PDE8B: variants seen among roughly 807,000 people sequenced by gnomAD.
PDE8B encodes high affinity cAMP-specific and IBMX-insensitive 3',5'-cyclic phosphodiesterase 8B.
PDE8B carries 26 observed loss-of-function variants against 101.3 expected under a neutral mutation model. The ratio of observed to expected loss-of-function variants is 0.26; its 90% confidence interval spans 0.19 to 0.36. The LOEUF is 0.36. Ranked by LOEUF, PDE8B falls within the 10% of genes least tolerant of loss-of-function variation. The pLI is 1.00. For synonymous variants in PDE8B, 424 were observed against 429.3 expected, an observed-to-expected ratio of 0.99 and a Z score of 0.15; for missense variants, 810 against 1,163.1, an observed-to-expected ratio of 0.70 and a Z score of 4.42.
the PDE8B span, among the ~76,000 whole-genome samples, chr5:77,093,565 A>G: frequency 1.3e-5 from 2 of 152,134 alleles, no homozygotes; most frequent in African/African-American, 2.4e-5. Flanking sequence ...AAAATTTTTC[A>G]GTGAGAATCG....
chr5:77,133,789 G>A, the PDE8B span, among the ~76,000 whole-genome samples: 1 of 152,202 alleles, frequency 6.6e-6, no homozygotes, highest in Admixed American at 6.5e-5. Context: ...GTTCAGAAAA[G>A]AACCAGCCAG....
At chr5:77,230,381 A>T (rs969799137) in intron 1 of PDE8B, among the ~76,000 whole-genome samples, 2 of 152,236 alleles carry the variant, frequency 1.3e-5, no homozygotes, top group African/African-American at 4.8e-5. Context: ...CTTTACAGGG[A>T]TGGATGCTAG....
chr5:77,099,465 C>T, the PDE8B span, among the ~76,000 whole-genome samples: 1 of 152,164 alleles, frequency 6.6e-6, no homozygotes, highest in Non-Finnish European at 1.5e-5. Context: ...GAAGTAACTC[C>T]AATGTGGTCT....
chr5:77,116,308 C>T, the PDE8B span, among the ~76,000 whole-genome samples: 416 of 148,660 alleles, frequency 2.8e-3, 6 homozygotes, highest in Middle Eastern at 0.024. Flanking sequence ...CTCGGCTCAC[C>T]GCAACCTCCA....
At chr5:77,364,096 G>A (rs952148478) in intron 10 of PDE8B, among the ~76,000 whole-genome samples, 1 of 152,174 alleles carries the variant, frequency 6.6e-6, no homozygotes, top group Non-Finnish European at 1.5e-5. Flanking sequence ...GGAGAATCCT[G>A]GGTCTCTTTT....
At chr5:77,278,761 A>G (rs1369496185) in intron 1 of PDE8B, among the ~76,000 whole-genome samples, 1 of 152,106 alleles carries the variant, frequency 6.6e-6, no homozygotes, top group East Asian at 1.9e-4. Flanking sequence ...GCCCAAAGAG[A>G]GATACCTTTT....
At chr5:77,139,447 T>C in the PDE8B span, 4 of 152,254 alleles carry the variant, frequency 2.6e-5, no homozygotes, top group Non-Finnish European at 1.5e-5. Flanking sequence ...TGGTTTGTTA[T>C]ACAGCAGTAG....
intron 1 of PDE8B, among the ~76,000 whole-genome samples, chr5:77,293,023 A>G (rs1767728114): frequency 6.6e-6 from 1 of 152,036 alleles, no homozygotes; most frequent in African/African-American, 2.4e-5. Flanking sequence ...ATTTGGGTAT[A>G]TGTCATGATG....
At chr5:77,401,411 A>C (rs901024179) in intron 11 of PDE8B, among the ~76,000 whole-genome samples, 1 of 152,210 alleles carries the variant, frequency 6.6e-6, no homozygotes, top group African/African-American at 2.4e-5. Flanking sequence ...TGCCTTGTAC[A>C]TAATAGACAC....
At chr5:77,424,392 T>C (rs550380337) in intron 20 of PDE8B, among the ~76,000 whole-genome samples, 1 of 152,332 alleles carries the variant, frequency 6.6e-6, no homozygotes, top group African/African-American at 2.4e-5. Flanking sequence ...AAGTTACAAA[T>C]GAAGCCTTTG....
chr5:77,396,008 A>G (rs1790976665), intron 10 of PDE8B, among the ~76,000 whole-genome samples: 1 of 152,376 alleles, frequency 6.6e-6, no homozygotes, highest in African/African-American at 2.4e-5. Context: ...ACATATAGCC[A>G]TCTGTGATTG....
the PDE8B span, among the ~76,000 whole-genome samples, chr5:77,168,356 G>A: frequency 7.2e-5 from 11 of 152,226 alleles, no homozygotes; most frequent in African/African-American, 2.2e-4. Context: ...AGGGAGCAGC[G>A]AGGCTGCACG....
chr5:77,379,824 A>G (rs1787103976), intron 10 of PDE8B, among the ~76,000 whole-genome samples: 1 of 152,166 alleles, frequency 6.6e-6, no homozygotes, highest in Non-Finnish European at 1.5e-5. Flanking sequence ...AAGATGATCA[A>G]AGACGTTCTG....
the PDE8B span, among the ~76,000 whole-genome samples, chr5:77,097,613 C>T: frequency 2.9e-5 from 4 of 136,490 alleles, no homozygotes; most frequent in Admixed American, 2.3e-4. Flanking sequence ...GTATCATCCT[C>T]CAAATATCAC....
chr5:77,093,287 GTTTC>G, the PDE8B span, among the ~76,000 whole-genome samples: 1 of 152,116 alleles, frequency 6.6e-6, no homozygotes, highest in Non-Finnish European at 1.5e-5. Flanking sequence ...CAGATTGTCT[GTTTC>G]TTCTTGAGTC....
intron 10 of PDE8B, among the ~76,000 whole-genome samples, chr5:77,374,415 TTTTTG>T (rs1210296530): frequency 6.6e-6 from 1 of 152,188 alleles, no homozygotes; most frequent in African/African-American, 2.4e-5. Flanking sequence ...ACATCTGTTT[TTTTTG>T]TTTTATTTTT....
At chr5:77,359,051 C>T (rs1782634575) in intron 10 of PDE8B, among the ~76,000 whole-genome samples, 1 of 152,100 alleles carries the variant, frequency 6.6e-6, no homozygotes, top group Admixed American at 6.5e-5. Flanking sequence ...AGCCAACCCC[C>T]GAGCAGACAT....
At chr5:77,343,168 A>G (rs886976552) in intron 6 of PDE8B, among the ~76,000 whole-genome samples, 22 of 152,192 alleles carry the variant, frequency 1.4e-4, no homozygotes, top group African/African-American at 5.1e-4. Flanking sequence ...ATTTAGTTTG[A>G]AAGATTAGTT....
chr5:77,104,259 CG>C, the PDE8B span, among the ~76,000 whole-genome samples: 3 of 152,130 alleles, frequency 2.0e-5, no homozygotes, highest in Admixed American at 2.0e-4. Flanking sequence ...ACATGTTTGC[CG>C]GGAGGGAGCT....
Sources: allele counts gnomAD v4.1 joint callset (sites outside exome capture counted in the v4.1 genomes callset), GRCh38; gene constraint gnomAD v4.1.1; transcripts MANE v1.5; gene names NCBI Gene and HGNC (gene_info 2026-07-23, HGNC 2026-07-21).